The following CFAP20DC variants were observed in gnomAD, a reference collection of about 807,000 sequenced individuals.
The protein encoded by CFAP20DC is CFAP20 domain containing, also known as protein CFAP20DC.
A neutral mutation model predicts 101.7 loss-of-function variants in CFAP20DC; 84 were observed. That is an observed-to-expected ratio of 0.83 (90% CI 0.69 to 0.99). The LOEUF is 0.99. Among genes scored for constraint, CFAP20DC ranks in the 50% least tolerant of loss-of-function variants. CFAP20DC has a pLI of 0.00. For missense variants in CFAP20DC, 1,007 were observed against 970.3 expected (o/e 1.04, Z -0.50); for synonymous variants, 359 against 351.2 (o/e 1.02, Z -0.25).
intron 13 of CFAP20DC, among the ~76,000 whole-genome samples, chr3:58,840,369 T>C (rs983441796): frequency 2.0e-5 from 3 of 152,182 alleles, no homozygotes; most frequent in African/African-American, 4.8e-5. Context: ...CCAAATTCAA[T>C]TCAAGACCTC....
chr3:58,855,362 A>C (rs1049116431), intron 12 of CFAP20DC, among the ~76,000 whole-genome samples: 1 of 152,176 alleles, frequency 6.6e-6, no homozygotes, highest in African/African-American at 2.4e-5. Flanking sequence ...GATGTGGAGA[A>C]ATAGGAACAC....
Position 58,809,097 on chromosome 3 carries a change from C to T in CFAP20DC, c.2176-2641G>A, listed in dbSNP as rs534972824. Among the ~76,000 whole-genome samples the T allele has an allele frequency of 3.1e-3, 466 of 152,226 alleles. 1 individual carries two copies. Among genetic ancestry groups the T allele is most frequent in the Non-Finnish European group, 4.8e-3 (328 of 68,018 alleles). On this transcript the variant is annotated intron_variant, in intron 14 of 16. Transcript: ENST00000482387. Reference sequence around the variant, plus strand: ...TGAGTGACCTACAAAGAGACTTAGACTCCCACACAATAATAATGGGAGACT... The same window carrying T: ...TGAGTGACCTACAAAGAGACTTAGATTCCCACACAATAATAATGGGAGACT...
chr3:58,746,796 T>A (rs540530351), intron 16 of CFAP20DC, among the ~76,000 whole-genome samples: 1 of 152,294 alleles, frequency 6.6e-6, no homozygotes, highest in African/African-American at 2.4e-5. Flanking sequence ...TATAATTTTA[T>A]GTTGAAGTAA....
At chr3:58,880,767 G>T (rs1256318232) in intron 7 of CFAP20DC, among the ~76,000 whole-genome samples, 1 of 151,882 alleles carries the variant, frequency 6.6e-6, no homozygotes, top group African/African-American at 2.4e-5. Context: ...AAATTTTTTT[G>T]ACAAAAGAAT....
intron 4 of CFAP20DC, among the ~76,000 whole-genome samples, chr3:58,950,880 G>T (rs1234790428): frequency 6.6e-6 from 1 of 152,104 alleles, no homozygotes; most frequent in African/African-American, 2.4e-5. Context: ...AACACCAAAA[G>T]CAATGGCAAC....
chr3:58,794,228 GT>G (rs375902887), intron 15 of CFAP20DC: 47 of 386,948 alleles, frequency 1.2e-4, no homozygotes, highest in South Asian at 2.6e-4. Flanking sequence ...TCAGAATATA[GT>G]TTTTTTTTCC....
At chr3:58,991,367 A>T (rs182501617) in intron 4 of CFAP20DC, among the ~76,000 whole-genome samples, 41 of 152,334 alleles carry the variant, frequency 2.7e-4, no homozygotes, top group Admixed American at 2.2e-3. Context: ...TACATATGAA[A>T]CAGCATGTTC....
chr3:58,982,488 A>C (rs1328338742), intron 4 of CFAP20DC, among the ~76,000 whole-genome samples: 1 of 152,148 alleles, frequency 6.6e-6, no homozygotes, highest in Non-Finnish European at 1.5e-5. Flanking sequence ...TGGATTAAGA[A>C]AATGTGGCAC....
intron 3 of CFAP20DC, among the ~76,000 whole-genome samples, chr3:58,736,977 T>A (rs1301729572): frequency 6.6e-6 from 1 of 152,192 alleles, no homozygotes; most frequent in Non-Finnish European, 1.5e-5. Flanking sequence ...ACCAAAATAT[T>A]CATTAAGATG....
chr3:59,033,410 G>A (rs973586816), intron 4 of CFAP20DC, among the ~76,000 whole-genome samples: 19 of 152,088 alleles, frequency 1.2e-4, no homozygotes, highest in Non-Finnish European at 2.1e-4. Flanking sequence ...CCAAGCTAAA[G>A]GAGCATGTTT....
chr3:58,816,666 G>C (rs1195407060), intron 14 of CFAP20DC, among the ~76,000 whole-genome samples: 2 of 152,172 alleles, frequency 1.3e-5, no homozygotes, highest in Non-Finnish European at 2.9e-5. Flanking sequence ...CTGATTGCTA[G>C]CACAGCAGTC....
intron 7 of CFAP20DC, among the ~76,000 whole-genome samples, chr3:58,881,455 G>C (rs750498533): frequency 3.9e-5 from 6 of 152,138 alleles, no homozygotes; most frequent in Non-Finnish European, 7.4e-5. Flanking sequence ...ATTAGTTAAT[G>C]TGCACTGGGA....
intron 4 of CFAP20DC, among the ~76,000 whole-genome samples, chr3:58,951,181 G>C (rs1228021172): frequency 1.3e-5 from 2 of 152,198 alleles, no homozygotes; most frequent in Non-Finnish European, 2.9e-5. Flanking sequence ...GGCCATCAGA[G>C]AAATGCAAAT....
intron 15 of CFAP20DC, among the ~76,000 whole-genome samples, chr3:58,765,490 C>CAAAAAAAAAAAAAAAACA (rs2070204379): frequency 6.1e-5 from 5 of 81,814 alleles, no homozygotes; most frequent in South Asian, 4.2e-4. Flanking sequence ...AAAAAAAAAC[C>CAAAAAAAAAAAAAAAACA]AAAAAAAAAA....
intron 14 of CFAP20DC, among the ~76,000 whole-genome samples, chr3:58,822,418 C>G (rs1399813170): frequency 6.7e-6 from 1 of 149,494 alleles, no homozygotes; most frequent in African/African-American, 2.5e-5. Flanking sequence ...AGGGGAATAT[C>G]ACACTCTGGG....
intron 6 of CFAP20DC, among the ~76,000 whole-genome samples, chr3:58,887,655 C>T (rs149162815): frequency 3.3e-5 from 5 of 152,314 alleles, no homozygotes; most frequent in Admixed American, 6.5e-5. Context: ...GAATCTTAAA[C>T]GTGGTTGACA....
chr3:58,754,560 A>T (rs2068795361), intron 15 of CFAP20DC, among the ~76,000 whole-genome samples: 1 of 152,212 alleles, frequency 6.6e-6, no homozygotes, highest in Non-Finnish European at 1.5e-5. Context: ...CACTAGTGGT[A>T]AGGAGCAGGC....
intron 13 of CFAP20DC, among the ~76,000 whole-genome samples, chr3:58,836,193 T>C (rs2108107568): frequency 6.6e-6 from 1 of 152,280 alleles, no homozygotes; most frequent in South Asian, 2.1e-4. Flanking sequence ...TCATAAACCT[T>C]ACATCTATCA....
At chr3:58,802,993 A>C (rs2073820710) in intron 15 of CFAP20DC, among the ~76,000 whole-genome samples, 1 of 152,210 alleles carries the variant, frequency 6.6e-6, no homozygotes, top group South Asian at 2.1e-4. Flanking sequence ...AAAGAAAAAA[A>C]ATGTGCATGA....
Sources: gnomAD v4.1 joint callset for allele counts (sites outside exome capture counted in the v4.1 genomes callset) on GRCh38, gnomAD v4.1.1 for gene constraint, MANE v1.5 for transcripts, NCBI Gene and HGNC (gene_info 2026-07-23, HGNC 2026-07-21) for gene names.